Variants in PVALB observed in about 807,000 individuals in gnomAD.
The protein encoded by PVALB is parvalbumin alpha.
In PVALB, 11 loss-of-function variants were observed where a neutral mutation model predicts 10.9. The ratio of observed to expected loss-of-function variants is 1.01; its 90% CI spans 0.63 to 1.67. The LOEUF (loss-of-function observed/expected upper bound fraction) is 1.67. Ranked by LOEUF, PVALB falls within the 40% of genes most tolerant of loss-of-function variation. The pLI is 0.00. For missense variants in PVALB, 131 were observed against 136.2 expected (o/e 0.96, Z 0.19); for synonymous variants, 57 against 50.7 (o/e 1.12, Z -0.53).
intron 1 of PVALB, 114 bp from the exon 2 acceptor site, chr22:36,815,349 A>ACCTCTCATTCCCC: frequency 1.4e-6 from 2 of 1,409,620 alleles, no homozygotes; most frequent in South Asian, 1.3e-5. Flanking sequence ...AGTCATGGGG[A>ACCTCTCATTCCCC]ATGAGAGGTA....
At chr22:36,812,385 A>G (rs1939059988) in intron 3 of PVALB, among the ~76,000 whole-genome samples, 1 of 152,170 alleles carries the variant, frequency 6.6e-6, no homozygotes, top group South Asian at 2.1e-4. Flanking sequence ...ATCCACTTAT[A>G]TGTTGGATGT....
chr22:36,818,764 G>T (rs1939192111), upstream of PVALB: 1 of 152,322 alleles, frequency 6.6e-6, no homozygotes, highest in Non-Finnish European at 1.5e-5. Flanking sequence ...GTCCGTGAAT[G>T]GTCTAAGGAC....
In PVALB at chr22:36,816,918, G is replaced by T. The variant is rs749291069; in HGVS notation, c.61+27C>A. Reference sequence around the variant, plus strand: ...CGCGGGCGGTGGACGAGGGGAGAGGGATGGGGAGGGGAGCGCGCTTGCTCA... The same window carrying T: ...CGCGGGCGGTGGACGAGGGGAGAGGTATGGGGAGGGGAGCGCGCTTGCTCA... On this transcript the variant is annotated intron_variant, in intron 1 of 3. Coordinates refer to ENST00000417718, the MANE Select transcript of PVALB (RefSeq NM_001315532.2). The T allele has an allele frequency of 3.8e-6, 6 of 1,584,760 alleles. No individual in the cohort carries two copies. The East Asian group carries it at 1.4e-4, about 36-fold the overall frequency.
At chr22:36,815,718 T>A in intron 1 of PVALB, among the ~76,000 whole-genome samples, 1 of 152,070 alleles carries the variant, frequency 6.6e-6, no homozygotes, top group East Asian at 1.9e-4. Context: ...AAGGACAGGT[T>A]TCCCTCAAGG....
upstream of PVALB, chr22:36,817,105 G>A (rs1005696727): frequency 1.6e-5 from 18 of 1,159,146 alleles, no homozygotes; most frequent in Non-Finnish European, 2.0e-5. Flanking sequence ...GCTGCGCGCC[G>A]GGCGCACGCC....
At chr22:36,817,059 T>C (rs1939153730), upstream of PVALB, 3 of 1,520,376 alleles carry the variant, frequency 2.0e-6, no homozygotes, top group Non-Finnish European at 2.7e-6. Flanking sequence ...AAAGTGCTTT[T>C]CTCATCATTT....
intron 3 of PVALB, among the ~76,000 whole-genome samples, chr22:36,807,939 G>T (rs531004947): frequency 6.6e-6 from 1 of 152,206 alleles, no homozygotes; most frequent in African/African-American, 2.4e-5. Context: ...GCAAGGTTAG[G>T]CAATAATGAT....
chr22:36,812,126 CACA>C (rs1939055738), intron 3 of PVALB, among the ~76,000 whole-genome samples: 1 of 152,196 alleles, frequency 6.6e-6, no homozygotes, highest in Non-Finnish European at 1.5e-5. Context: ...TCTTAATTTT[CACA>C]ACAAGCCCAA....
intron 3 of PVALB, among the ~76,000 whole-genome samples, chr22:36,806,447 T>G (rs1027745684): frequency 6.6e-6 from 1 of 152,086 alleles, no homozygotes; most frequent in African/African-American, 2.4e-5. Flanking sequence ...TGGACAAATT[T>G]AGAAGCTATT....
intron 2 of PVALB, among the ~76,000 whole-genome samples, 160 bp downstream of exon 2, chr22:36,814,943 C>T (rs557039529): frequency 4.7e-4 from 72 of 152,326 alleles, no homozygotes; most frequent in Admixed American, 4.6e-3. Context: ...GCCTTCTCCC[C>T]TGGTGCCCTG....
chr22:36,811,493 C>A (rs1159962714), intron 3 of PVALB: 2 of 469,794 alleles, frequency 4.3e-6, no homozygotes, highest in South Asian at 3.1e-5. Flanking sequence ...TTGCCGGGCA[C>A]AGAGTTGCTA....
At chr22:36,814,398 G>A (rs1193204849) in intron 2 of PVALB, among the ~76,000 whole-genome samples, 1 of 152,020 alleles carries the variant, frequency 6.6e-6, no homozygotes, top group Non-Finnish European at 1.5e-5. Flanking sequence ...GGAGAGACAG[G>A]ATGGGTGGGG....
rs1031996110 is a variant in PVALB, at chr22:36,813,810, A to T, written c.195-55T>A. 3.1e-5 allele frequency: 41 copies of T among 1,340,288 alleles called. No individual in the cohort carries two copies. In the Admixed American group the frequency reaches 3.7e-4, roughly 12 times the overall value. The allele number at this position is 1,340,288 out of a possible 1,614,324, so 83.0% of individuals were successfully genotyped here. A position where few individuals can be genotyped will look rare whatever the true frequency, so the allele number is the denominator to read the frequency against. The stretch of plus-strand genomic sequence containing the variant: ...GGGAGTCAGGCCGAGGTCGCCTTGC[A>T]GGACGCTGGATGGAGGGTGGTCTGG... On this transcript the variant is annotated intron_variant, in intron 2 of 3. Transcript: ENST00000417718.
In PVALB at chr22:36,810,025, C is replaced by T. The variant is rs542525112; in HGVS notation, c.304+3621G>A. Among the ~76,000 whole-genome samples the T allele has an allele frequency of 7.9e-5, 12 of 152,234 alleles. No homozygotes were observed. The East Asian group carries it at 2.3e-3, about 29-fold the overall frequency. ...TCAGCCTCTTGAGTAGCTGGGATTA[C>T]AGGTGTGTGCCACCACGCCTGGCTA... On this transcript the variant is annotated intron_variant, in intron 3 of 3. Coordinates refer to ENST00000417718, the MANE Select transcript of PVALB (RefSeq NM_001315532.2).
intron 3 of PVALB, among the ~76,000 whole-genome samples, chr22:36,805,562 C>G (rs1205636073): frequency 6.6e-6 from 1 of 152,220 alleles, no homozygotes; most frequent in Non-Finnish European, 1.5e-5. Context: ...CACCTACCTA[C>G]AATCATCCAG....
chr22:36,813,787 G>A (rs376438655), intron 2 of PVALB, 32 bp from the exon 3 acceptor site: 1 of 1,544,032 alleles, frequency 6.5e-7, no homozygotes, highest in African/African-American at 1.4e-5. Flanking sequence ...GCCGGTGAGG[G>A]AGTCAGGCCG....
chr22:36,815,624 C>A (rs1869119674), intron 1 of PVALB, among the ~76,000 whole-genome samples: 1 of 152,036 alleles, frequency 6.6e-6, no homozygotes, highest in Non-Finnish European at 1.5e-5. Context: ...TTGAAGGGGG[C>A]ATGAACATGG....
chr22:36,811,481 C>T (rs1262994881), intron 3 of PVALB: 2 of 470,724 alleles, frequency 4.2e-6, no homozygotes, highest in South Asian at 1.5e-5. Context: ...TTACCTCTTC[C>T]ATTGCCGGGC....
chr22:36,807,802 T>G (rs1938977525), intron 3 of PVALB, among the ~76,000 whole-genome samples: 1 of 152,078 alleles, frequency 6.6e-6, no homozygotes. Context: ...ACGCTACCAC[T>G]CCGCCTCTCA....
Sources: gnomAD v4.1 joint callset for allele counts (sites outside exome capture counted in the v4.1 genomes callset) on GRCh38, gnomAD v4.1.1 for gene constraint, MANE v1.5 for transcripts, NCBI Gene and HGNC (gene_info 2026-07-23, HGNC 2026-07-21) for gene names.